The following LRRC4C variants were observed in gnomAD, a reference collection of about 807,000 sequenced individuals.
LRRC4C encodes the protein leucine-rich repeat-containing protein 4C.
In LRRC4C, 5 loss-of-function variants were observed where a neutral mutation model predicts 33.6. The observed-to-expected ratio is 0.15, with a 90% CI of 0.08 to 0.31. LRRC4C has a LOEUF of 0.31. LRRC4C is among the 10% of genes least tolerant of loss of function. LRRC4C has a pLI of 1.00. For synonymous variants in LRRC4C, 329 were observed against 302.0 expected (o/e 1.09, Z -0.93); for missense variants, 560 against 796.7 (o/e 0.70, Z 3.58).
chr11:40,145,342 G>A (rs1857649265), intron 5 of LRRC4C, among the ~76,000 whole-genome samples: 1 of 152,082 alleles, frequency 6.6e-6, no homozygotes. Flanking sequence ...GAGAAATAAT[G>A]ATTTTAGAAG....
chr11:41,088,320 C>T (rs977996976), intron 1 of LRRC4C, among the ~76,000 whole-genome samples: 1 of 151,990 alleles, frequency 6.6e-6, no homozygotes, highest in African/African-American at 2.4e-5. Flanking sequence ...AAAATAATGC[C>T]TATTTCCTAT....
intron 3 of LRRC4C, among the ~76,000 whole-genome samples, chr11:40,415,313 C>G (rs975479858): frequency 6.6e-6 from 1 of 152,180 alleles, no homozygotes; most frequent in African/African-American, 2.4e-5. Context: ...TTAATGCTCT[C>G]TCATTGCTAT....
At chr11:40,485,955 G>A (rs1053693053) in intron 3 of LRRC4C, among the ~76,000 whole-genome samples, 12 of 151,856 alleles carry the variant, frequency 7.9e-5, no homozygotes, top group African/African-American at 2.7e-4. Context: ...AGAACACATG[G>A]ACACATATCA....
intron 2 of LRRC4C, among the ~76,000 whole-genome samples, chr11:40,881,117 A>G (rs959806112): frequency 8.6e-5 from 13 of 152,044 alleles, no homozygotes; most frequent in African/African-American, 2.9e-4. Context: ...TGTAAATAAT[A>G]CTGTCACCTC....
intron 6 of LRRC4C, among the ~76,000 whole-genome samples, chr11:40,136,569 C>T (rs543751724): frequency 6.6e-6 from 1 of 152,222 alleles, no homozygotes; most frequent in Admixed American, 6.5e-5. Flanking sequence ...AGCCACCACG[C>T]CCGGCCCATC....
intron 2 of LRRC4C, among the ~76,000 whole-genome samples, chr11:40,690,873 A>G (rs959452815): frequency 6.6e-6 from 1 of 152,042 alleles, no homozygotes; most frequent in Middle Eastern, 3.2e-3. Context: ...TGATATCTCA[A>G]ACCATAAAAA....
chr11:40,610,210 T>C (rs979084846), intron 3 of LRRC4C, among the ~76,000 whole-genome samples: 1 of 151,954 alleles, frequency 6.6e-6, no homozygotes, highest in Non-Finnish European at 1.5e-5. Context: ...TCTCCTGGAG[T>C]ACCAAGATAG....
chr11:40,242,292 C>T lies in LRRC4C; in HGVS notation c.-175-694G>A, dbSNP rs112471506. Among the ~76,000 whole-genome samples, 847 of 152,230 alleles carry T rather than the reference C, an allele frequency of 5.6e-3. 8 individuals are homozygous for T. The highest frequency in any genetic ancestry group is 0.02 in the African/African-American group (815 of 41,540). ...TTGAATGAAGAGTGTGTGATGATCA[C>T]GGCTCATGCTTTAACTACATTTACT... On this transcript the variant is annotated intron_variant, in intron 4 of 6. Coordinates refer to ENST00000528697, the MANE Select transcript of LRRC4C (RefSeq NM_001258419.2).
rs1949355279 is a variant in LRRC4C, at chr11:40,764,356, T to C, written c.-406-116078A>G. Among the ~76,000 whole-genome samples, 3 of 151,794 alleles carry C rather than the reference T, an allele frequency of 2.0e-5. No individual in the cohort carries two copies. In the South Asian group the frequency reaches 6.2e-4, roughly 32 times the overall value. On this transcript the variant is annotated intron_variant, in intron 2 of 6. Coordinates refer to ENST00000528697, the MANE Select transcript of LRRC4C (RefSeq NM_001258419.2). The stretch of plus-strand genomic sequence containing the variant: ...TTGCTGTAGGTCTAGGGTAGTGGTG[T>C]CCACAGGGAAAGATTCCTTCTTGAG...
intron 1 of LRRC4C, among the ~76,000 whole-genome samples, chr11:41,117,554 G>T (rs532792526): frequency 6.6e-6 from 1 of 152,178 alleles, no homozygotes; most frequent in African/African-American, 2.4e-5. Flanking sequence ...AAGAGTGGTG[G>T]AATTAAGCAT....
Position 40,472,506 on chromosome 11 carries a change from C to A in LRRC4C, c.-269-152785G>T, listed in dbSNP as rs189587593. On this transcript the variant is annotated intron_variant, in intron 3 of 6. Coordinates refer to ENST00000528697, the MANE Select transcript of LRRC4C (RefSeq NM_001258419.2). Reference sequence around the variant, plus strand: ...AGCACTAAATGCCCACAGGAGAAAGCAGGAAAGATTTAAAATCAACACCCT... The same window carrying A: ...AGCACTAAATGCCCACAGGAGAAAGAAGGAAAGATTTAAAATCAACACCCT... 7.3e-3 allele frequency among the ~76,000 whole-genome samples: 765 copies of A among 105,308 alleles called. 10 individuals carry two copies. Among genetic ancestry groups the A allele is most frequent in the African/African-American group, 0.025 (731 of 29,742 alleles). The allele number at this position is 105,308 out of a possible 152,430, so 69.1% of individuals were successfully genotyped here.
At chr11:40,434,902 G>A (rs542938573) in intron 3 of LRRC4C, among the ~76,000 whole-genome samples, 53 of 152,184 alleles carry the variant, frequency 3.5e-4, no homozygotes, top group Middle Eastern at 3.4e-3. Flanking sequence ...AGCTTGACTG[G>A]TTTATTTAAA....
At chr11:40,960,249 A>C (rs996241435) in intron 1 of LRRC4C, among the ~76,000 whole-genome samples, 9 of 151,760 alleles carry the variant, frequency 5.9e-5, no homozygotes, top group African/African-American at 2.2e-4. Flanking sequence ...TTGAAGGTTC[A>C]TTATCAAATT....
intron 3 of LRRC4C, among the ~76,000 whole-genome samples, chr11:40,351,943 G>A (rs1947410578): frequency 6.6e-6 from 1 of 151,872 alleles, no homozygotes. Context: ...TGTGTTTCTT[G>A]TAGGTAACAA....
intron 3 of LRRC4C, among the ~76,000 whole-genome samples, chr11:40,542,749 G>A (rs974282120): frequency 1.3e-5 from 2 of 152,002 alleles, no homozygotes; most frequent in Non-Finnish European, 2.9e-5. Flanking sequence ...CATTCTAAAT[G>A]TATAGTCCAA....
chr11:40,413,592 C>G (rs1175614508), intron 3 of LRRC4C, among the ~76,000 whole-genome samples: 2 of 152,078 alleles, frequency 1.3e-5, no homozygotes, highest in Non-Finnish European at 2.9e-5. Flanking sequence ...ACCTTCATAA[C>G]TAATTATGTG....
At chr11:40,477,115 G>C (rs1330290329) in intron 3 of LRRC4C, among the ~76,000 whole-genome samples, 1 of 152,016 alleles carries the variant, frequency 6.6e-6, no homozygotes, top group Non-Finnish European at 1.5e-5. Flanking sequence ...TCATTTTCTG[G>C]CACTTGTGCC....
intron 1 of LRRC4C, among the ~76,000 whole-genome samples, chr11:41,158,452 G>A (rs1944327320): frequency 6.6e-6 from 1 of 152,110 alleles, no homozygotes; most frequent in Non-Finnish European, 1.5e-5. Flanking sequence ...AGAGTTAATA[G>A]TCACAGGTAA....
At chr11:41,383,590 C>G (rs1418764053) in intron 1 of LRRC4C, among the ~76,000 whole-genome samples, 7 of 151,376 alleles carry the variant, frequency 4.6e-5, no homozygotes, top group Non-Finnish European at 1.0e-4. Flanking sequence ...CTTGTATTAA[C>G]AGATATAAAA....
Sources: gnomAD v4.1 joint callset for allele counts (sites outside exome capture counted in the v4.1 genomes callset) on GRCh38, gnomAD v4.1.1 for gene constraint, MANE v1.5 for transcripts, NCBI Gene and HGNC (gene_info 2026-07-23, HGNC 2026-07-21) for gene names.